The following OCIAD2 variants were observed in gnomAD, a reference collection of about 807,000 sequenced individuals.
OCIAD2 encodes the protein OCIA domain-containing protein 2.
Under a neutral mutation model 22.9 loss-of-function variants are expected in OCIAD2, and 29 were observed. The ratio of observed to expected loss-of-function variants is 1.27; its 90% confidence interval spans 0.94 to 1.73. OCIAD2 has a LOEUF of 1.73. Among genes scored for constraint, OCIAD2 ranks in the 40% most tolerant of loss-of-function variants. The pLI is 0.00. For missense variants in OCIAD2, 189 were observed against 180.3 expected (o/e 1.05, Z -0.28); for synonymous variants, 67 against 60.2 (o/e 1.11, Z -0.52).
At chr4:48,897,720 T>C (rs1781331233) in intron 4 of OCIAD2, 84 bp downstream of exon 4, 1 of 981,500 alleles carries the variant, frequency 1.0e-6, no homozygotes, top group African/African-American at 1.6e-5. Flanking sequence ...AAAAAATAAA[T>C]GTCAAGGGCC....
At chr4:48,896,344 C>A (rs1270720807) in intron 4 of OCIAD2, among the ~76,000 whole-genome samples, 1 of 151,530 alleles carries the variant, frequency 6.6e-6, no homozygotes, top group Non-Finnish European at 1.5e-5. Flanking sequence ...AATCCCAGCA[C>A]TTTGGGAGGC....
chr4:48,904,538 C>T lies in OCIAD2; in HGVS notation c.12G>A (p.Ala4=), dbSNP rs201653104. The change falls in exon 2 of 7, where the codon GCG becomes GCA. Residue 4 remains alanine (A), a synonymous_variant. Coordinates refer to ENST00000508632, the MANE Select transcript of OCIAD2 (RefSeq NM_001014446.3). The part of the protein sequence containing the change: MAS[A]SARGNQDKDA... ...CTTTATCTTGGTTTCCACGAGCAGA[C>T]GCTGAAGCCATGATGACTTTGTGCT... 1.6e-4 allele frequency: 256 copies of T among 1,614,048 alleles called. No homozygotes were observed. The Admixed American group carries it at 2.1e-3, about 13-fold the overall frequency.
In OCIAD2 at chr4:48,906,763, C is replaced by G. The variant is rs1211206251; in HGVS notation, c.-168G>C. The G allele has an allele frequency of 1.3e-5, 2 of 153,374 alleles. No homozygotes were observed. The highest frequency in any genetic ancestry group is 4.8e-5 in the African/African-American group (2 of 41,480). 9.5% of individuals were successfully genotyped at this position (153,374 alleles called of 1,614,324 possible). A position where few individuals can be genotyped will look rare whatever the true frequency, so the allele number is the denominator to read the frequency against. On this transcript the variant is annotated 5_prime_UTR_variant, in exon 1 of 7. Transcript: ENST00000508632. ...CGGCCCGCTCCAGCTTCCCGAGTAC[C>G]CCACCTGTCTCCCCGGCTTCCTTCC...
Position 48,897,640 on chromosome 4 carries a change from G to A in OCIAD2, c.217+164C>T, listed in dbSNP as rs541768814. Among the ~76,000 whole-genome samples the A allele has an allele frequency of 2.0e-5, 3 of 152,272 alleles. No homozygotes were observed. The South Asian group carries it at 6.2e-4, about 32-fold the overall frequency. ...ATATATTCACTAATTCTGGGGATTA[G>A]GATGCTTTCTGGGGAGATGGGGACT... On this transcript the variant is annotated intron_variant, in intron 4 of 6. Coordinates refer to ENST00000508632, the MANE Select transcript of OCIAD2 (RefSeq NM_001014446.3).
chr4:48,888,223 A>T (rs2109665304), intron 6 of OCIAD2, among the ~76,000 whole-genome samples: 1 of 152,290 alleles, frequency 6.6e-6, no homozygotes, highest in Admixed American at 6.5e-5. Context: ...TTATCAGCTT[A>T]AGGAGATTTT....
intron 5 of OCIAD2, 104 bp downstream of exon 5, chr4:48,893,902 G>T: frequency 1.9e-6 from 1 of 516,832 alleles, no homozygotes; most frequent in South Asian, 5.0e-5. Context: ...GGCTGGTCTC[G>T]AACTCCTGGA....
At position 48,904,604 on chromosome 4, in the gene OCIAD2, C is replaced by T. The variant is rs1475779227; in HGVS notation, c.-55G>A. 1.3e-6 allele frequency: 2 copies of T among 1,487,054 alleles called. No homozygotes were observed. The highest frequency in any genetic ancestry group is 2.8e-5 in the African/African-American group (2 of 72,380). 92.1% of individuals were successfully genotyped at this position (1,487,054 alleles called of 1,614,324 possible). A position where few individuals can be genotyped will look rare whatever the true frequency, so the allele number is the denominator to read the frequency against. On this transcript the variant is annotated 5_prime_UTR_variant, in exon 2 of 7. Transcript: ENST00000508632. Reference sequence around the variant, plus strand: ...TGTTTATCCTCTGCTTACTCCTTGACCCAGTGTCTAAGGAAGGTAGAAGAG... The same window carrying T: ...TGTTTATCCTCTGCTTACTCCTTGATCCAGTGTCTAAGGAAGGTAGAAGAG...
Position 48,899,837 on chromosome 4 carries a change from C to T in OCIAD2, c.155G>A (p.Trp52Ter). The T allele has an allele frequency of 6.2e-7, 1 of 1,612,346 alleles. No individual in the cohort carries two copies. Among genetic ancestry groups the T allele is most frequent in the Non-Finnish European group, 8.5e-7 (1 of 1,179,032 alleles). The change falls in exon 3 of 7, where the codon TGG (tryptophan) becomes TAG (stop). Residue 52 changes from tryptophan to a stop codon, truncating the protein, a stop_gained. Coordinates refer to ENST00000508632, the MANE Select transcript of OCIAD2 (RefSeq NM_001014446.3). LOFTEE classifies it high-confidence loss of function. Reference sequence around the variant, plus strand: ...GTGTTAGGTGCAATTACCTCTCTTCCAGAAACTTTCTTCCTGACATTCTCG... The same window carrying T: ...GTGTTAGGTGCAATTACCTCTCTTCTAGAAACTTTCTTCCTGACATTCTCG... ...IMRECQEESF[W>*]KRALPFSLVS...
Position 48,885,416 on chromosome 4 carries a change from A to T in OCIAD2, c.*68T>A. 1 of 842,538 alleles carries T rather than the reference A, an allele frequency of 1.2e-6. No individual in the cohort carries two copies. Among genetic ancestry groups the T allele is most frequent in the Non-Finnish European group, 2.0e-6 (1 of 489,264 alleles). The allele number at this position is 842,538 out of a possible 1,614,324, so 52.2% of individuals were successfully genotyped here. A position where few individuals can be genotyped will look rare whatever the true frequency, so the allele number is the denominator to read the frequency against. ...CATTAGAAGTATTTTATTTTAAAGT[A>T]CACTTGAAATTTTAAATGTGTACAA... is the stretch of plus-strand genomic sequence containing the variant. On this transcript the variant is annotated 3_prime_UTR_variant, in exon 7 of 7. Coordinates refer to ENST00000508632, the MANE Select transcript of OCIAD2 (RefSeq NM_001014446.3).
intron 3 of OCIAD2, among the ~76,000 whole-genome samples, chr4:48,898,530 T>C (rs1781349226): frequency 1.3e-5 from 2 of 152,176 alleles, no homozygotes; most frequent in Admixed American, 1.3e-4. Context: ...TTATACACAA[T>C]AGTTATTCAA....
intron 1 of OCIAD2, 167 bp from the exon 2 acceptor site, chr4:48,904,778 A>G (rs1490664523): frequency 1.7e-6 from 1 of 595,362 alleles, no homozygotes; most frequent in Admixed American, 2.9e-5. Context: ...GCACACATAC[A>G]TGCACTCACT....
At chr4:48,885,952 G>GGCCTTTGTT (rs1780975017) in intron 6 of OCIAD2, among the ~76,000 whole-genome samples, 1 of 152,064 alleles carries the variant, frequency 6.6e-6, no homozygotes, top group South Asian at 2.1e-4. Context: ...TGTCAATTTC[G>GGCCTTTGTT]GCCTTTGTTA....
chr4:48,901,936 C>T (rs563645756), intron 2 of OCIAD2, among the ~76,000 whole-genome samples: 1 of 151,906 alleles, frequency 6.6e-6, no homozygotes, highest in African/African-American at 2.4e-5. Context: ...TTTAATAGAG[C>T]TGGGGGAGGC....
rs189233915 is a variant in OCIAD2, at chr4:48,899,812, G to C, written c.163+17C>G. On this transcript the variant is annotated intron_variant, in intron 3 of 6. Coordinates refer to ENST00000508632, the MANE Select transcript of OCIAD2 (RefSeq NM_001014446.3). ...TAGGCAGTTTACTGCCACAAATACA[G>C]TGTTAGGTGCAATTACCTCTCTTCC... 1.3e-6 allele frequency: 2 copies of C among 1,566,040 alleles called. No homozygotes were observed. Among genetic ancestry groups the C allele is most frequent in the Admixed American group, 3.3e-5 (2 of 59,830 alleles).
Position 48,885,156 on chromosome 4 carries a change from T to G in OCIAD2, c.*328A>C. On this transcript the variant is annotated 3_prime_UTR_variant, in exon 7 of 7. Transcript: ENST00000508632. ...GGCATGTGCCACCACGCCTGGCTAA[T>G]TTTTATATTTTTAGCAGAGATGGGG... 5.4e-6 allele frequency: 1 copy of G among 185,000 alleles called. No individual in the cohort carries two copies. Among genetic ancestry groups the G allele is most frequent in the Non-Finnish European group, 1.1e-5 (1 of 89,396 alleles). 11.5% of individuals were successfully genotyped at this position (185,000 alleles called of 1,614,324 possible).
In OCIAD2 at chr4:48,885,389, T is replaced by C. The variant is rs1780951441; in HGVS notation, c.*95A>G. Reference sequence around the variant, plus strand: ...TGAGTGACAGACACAATGTTTTTGTTCCATTAGAAGTATTTTATTTTAAAG... The same window carrying C: ...TGAGTGACAGACACAATGTTTTTGTCCCATTAGAAGTATTTTATTTTAAAG... On this transcript the variant is annotated 3_prime_UTR_variant, in exon 7 of 7. Transcript: ENST00000508632. 1.3e-6 allele frequency: 1 copy of C among 757,980 alleles called. No homozygotes were observed. 47.0% of individuals were successfully genotyped at this position (757,980 alleles called of 1,614,324 possible).
chr4:48,896,289 T>C (rs772902381), intron 4 of OCIAD2, among the ~76,000 whole-genome samples: 6 of 152,008 alleles, frequency 3.9e-5, no homozygotes, highest in Non-Finnish European at 7.4e-5. Flanking sequence ...AATGTTCCTT[T>C]TAAGATCCTG....
intron 6 of OCIAD2, among the ~76,000 whole-genome samples, chr4:48,888,551 A>T (rs1021604101): frequency 3.3e-5 from 5 of 152,070 alleles, no homozygotes; most frequent in African/African-American, 9.7e-5. Context: ...ATGAAGGGCT[A>T]TTGGATTTTG....
chr4:48,901,027 G>A (rs1196850073), intron 2 of OCIAD2, among the ~76,000 whole-genome samples: 5 of 152,074 alleles, frequency 3.3e-5, no homozygotes, highest in Admixed American at 1.3e-4. Context: ...CTTCCCCTCT[G>A]CCCATCACAA....
Sources: allele counts gnomAD v4.1 joint callset (sites outside exome capture counted in the v4.1 genomes callset), GRCh38; gene constraint gnomAD v4.1.1; transcripts MANE v1.5; gene names NCBI Gene and HGNC (gene_info 2026-07-23, HGNC 2026-07-21).